Variants in RGS6 observed in about 807,000 individuals in gnomAD.
The protein encoded by RGS6 is regulator of G protein signaling 6.
In RGS6, 30 loss-of-function variants were observed where a neutral mutation model predicts 78.5. The ratio of observed to expected loss-of-function variants is 0.38; its 90% CI spans 0.29 to 0.52. The LOEUF (loss-of-function observed/expected upper bound fraction) is 0.52, where lower values mean the gene tolerates loss of function less well. Among genes scored for constraint, RGS6 ranks in the 20% least tolerant of loss-of-function variants. The pLI is 0.85. For synonymous variants in RGS6, 206 were observed against 206.0 expected, an observed-to-expected ratio of 1.00 and a Z score of 0.00; for missense variants, 495 against 609.7, an observed-to-expected ratio of 0.81 and a Z score of 1.98.
At chr14:72,629,483 G>A in the RGS6 span, 1 of 680,816 alleles carries the variant, frequency 1.5e-6, no homozygotes, top group Non-Finnish European at 2.5e-6. Flanking sequence ...AGCCCTCAAG[G>A]GCTAATGGCC....
intron 3 of RGS6, among the ~76,000 whole-genome samples, chr14:72,422,907 G>C (rs78016264): frequency 0.026 from 3,914 of 152,310 alleles, 123 homozygotes; most frequent in African/African-American, 0.074. Flanking sequence ...AGAGGGCATG[G>C]AGCGGACTCG....
intron 2 of RGS6, among the ~76,000 whole-genome samples, chr14:72,250,399 G>GAAAAAAAA (rs58591258): frequency 1.7e-4 from 19 of 114,242 alleles, no homozygotes; most frequent in Non-Finnish European, 2.3e-4. Context: ...TAAATACACC[G>GAAAAAAAA]AAAAAAAAAA....
intron 2 of RGS6, among the ~76,000 whole-genome samples, chr14:72,224,295 C>A (rs768162917): frequency 6.6e-6 from 1 of 151,906 alleles, no homozygotes; most frequent in Admixed American, 6.5e-5. Context: ...TGGCATGCAC[C>A]CAGTCTCAGC....
chr14:72,271,364 GA>G (rs2059910187), intron 2 of RGS6, among the ~76,000 whole-genome samples: 1 of 152,210 alleles, frequency 6.6e-6, no homozygotes, highest in South Asian at 2.1e-4. Context: ...CAGCTCTCAT[GA>G]GACTTATTCG....
chr14:72,581,288 T>C, the RGS6 span, among the ~76,000 whole-genome samples: 1 of 152,176 alleles, frequency 6.6e-6, no homozygotes, highest in Non-Finnish European at 1.5e-5. Context: ...ACCCCATCTA[T>C]CCATACCTCC....
At chr14:71,930,512 G>T (rs980241016), upstream of RGS6, among the ~76,000 whole-genome samples, 2 of 152,008 alleles carry the variant, frequency 1.3e-5, no homozygotes, top group African/African-American at 4.8e-5. Flanking sequence ...TACACAAAAT[G>T]TATCAATATG....
chr14:72,346,429 C>A (rs2078063077), intron 2 of RGS6, among the ~76,000 whole-genome samples: 1 of 152,198 alleles, frequency 6.6e-6, no homozygotes, highest in Admixed American at 6.5e-5. Flanking sequence ...CTGATGCTAT[C>A]TGCCCAACAC....
intron 1 of RGS6, among the ~76,000 whole-genome samples, chr14:71,946,128 T>G (rs2091473465): frequency 6.6e-6 from 1 of 152,172 alleles, no homozygotes; most frequent in African/African-American, 2.4e-5. Flanking sequence ...TTTTAGACTT[T>G]TTTTTAGGTG....
At chr14:72,611,101 C>G in the RGS6 span, among the ~76,000 whole-genome samples, 1 of 152,320 alleles carries the variant, frequency 6.6e-6, no homozygotes, top group Non-Finnish European at 1.5e-5. Context: ...CCCAGAGGAG[C>G]CTTCCCTTGG....
At chr14:72,413,166 G>T (rs566294662) in intron 3 of RGS6, among the ~76,000 whole-genome samples, 94 of 152,142 alleles carry the variant, frequency 6.2e-4, no homozygotes, top group African/African-American at 2.2e-3. Context: ...TTGACAGTGG[G>T]GTGTTAAAGT....
intron 2 of RGS6, among the ~76,000 whole-genome samples, chr14:71,998,542 C>G (rs1213705957): frequency 1.3e-5 from 2 of 152,184 alleles, no homozygotes; most frequent in African/African-American, 4.8e-5. Context: ...CTTCATGGAG[C>G]TGAAGGAAGG....
At chr14:72,619,158 T>A in the RGS6 span, 4 of 818,386 alleles carry the variant, frequency 4.9e-6, no homozygotes, top group Non-Finnish European at 5.6e-6. Flanking sequence ...CTTCGTTCCA[T>A]GTGTCCCTGC....
chr14:72,489,740 T>TGAGAC (rs570436919), intron 12 of RGS6, among the ~76,000 whole-genome samples: 35 of 114,548 alleles, frequency 3.1e-4, no homozygotes, highest in African/African-American at 1.2e-3. Context: ...CAAGGCGAGG[T>TGAGAC]GAGACGAGGC....
At chr14:72,208,622 A>G (rs1249362119) in intron 2 of RGS6, among the ~76,000 whole-genome samples, 2 of 152,140 alleles carry the variant, frequency 1.3e-5, no homozygotes, top group Non-Finnish European at 2.9e-5. Flanking sequence ...ATAGTGCTTG[A>G]CTATATTAGA....
At chr14:72,553,109 C>T (rs1401242307) in intron 17 of RGS6, among the ~76,000 whole-genome samples, 1 of 152,204 alleles carries the variant, frequency 6.6e-6, no homozygotes, top group East Asian at 1.9e-4. Flanking sequence ...CCTCTGTGTT[C>T]AGTGTATGGT....
chr14:72,046,200 T>C (rs570815487), intron 2 of RGS6, among the ~76,000 whole-genome samples: 7 of 136,614 alleles, frequency 5.1e-5, no homozygotes, highest in African/African-American at 1.8e-4. Context: ...AATTTCATTG[T>C]TGGGTTTTTT....
At chr14:72,402,050 C>T (rs1003194497) in intron 3 of RGS6, among the ~76,000 whole-genome samples, 8 of 152,196 alleles carry the variant, frequency 5.3e-5, no homozygotes, top group Non-Finnish European at 1.2e-4. Context: ...AGTGGTGGCT[C>T]TCAATGGTGG....
intron 2 of RGS6, among the ~76,000 whole-genome samples, chr14:72,312,529 C>A (rs1397155421): frequency 6.6e-6 from 1 of 152,160 alleles, no homozygotes; most frequent in African/African-American, 2.4e-5. Flanking sequence ...TTTCCTTATG[C>A]AAGTGTCCAG....
intron 3 of RGS6, among the ~76,000 whole-genome samples, chr14:72,440,185 A>G (rs2095130614): frequency 6.6e-6 from 1 of 152,142 alleles, no homozygotes; most frequent in African/African-American, 2.4e-5. Context: ...AGACCACTCC[A>G]TAACCATAGA....
Sources: gnomAD v4.1 joint callset for allele counts (sites outside exome capture counted in the v4.1 genomes callset) on GRCh38, gnomAD v4.1.1 for gene constraint, MANE v1.5 for transcripts, NCBI Gene and HGNC (gene_info 2026-07-23, HGNC 2026-07-21) for gene names.